TCERG1L: variants seen among roughly 807,000 people sequenced by gnomAD.
The protein encoded by TCERG1L is transcription elongation regulator 1 like.
In TCERG1L, 37 loss-of-function variants were observed where a neutral mutation model predicts 56.3. The observed-to-expected ratio is 0.66, with a 90% CI of 0.51 to 0.87. The LOEUF is 0.87. Ranked by LOEUF, TCERG1L falls within the 40% of genes least tolerant of loss-of-function variation. TCERG1L has a pLI of 0.00. For synonymous variants in TCERG1L, 324 were observed against 326.3 expected, an observed-to-expected ratio of 0.99 and a Z score of 0.08; for missense variants, 799 against 774.2, an observed-to-expected ratio of 1.03 and a Z score of -0.38.
intron 4 of TCERG1L, among the ~76,000 whole-genome samples, chr10:131,258,001 A>G (rs1204699524): frequency 6.6e-6 from 1 of 152,216 alleles, no homozygotes; most frequent in Admixed American, 6.5e-5. Context: ...CAAACTTTGG[A>G]GTGAGCTGTG....
In TCERG1L at chr10:131,219,722, G is replaced by A. The variant is rs1056893389; in HGVS notation, c.856+40537C>T. 6.6e-5 allele frequency among the ~76,000 whole-genome samples: 10 copies of A among 152,218 alleles called. No individual in the cohort carries two copies. In the East Asian group the frequency reaches 9.7e-4, roughly 15 times the overall value. On this transcript the variant is annotated intron_variant, in intron 4 of 11. Coordinates refer to ENST00000368642, the MANE Select transcript of TCERG1L (RefSeq NM_174937.4). ...TCACCGCGGCATCCCTGGGGCGTTC[G>A]GGGCTGGATATGGGCCCTGAGTGTC...
intron 9 of TCERG1L, among the ~76,000 whole-genome samples, chr10:131,106,350 A>C (rs962312173): frequency 2.2e-4 from 34 of 152,362 alleles, no homozygotes; most frequent in African/African-American, 7.7e-4. Flanking sequence ...AGTGGGACCC[A>C]GCAAAGACCC....
chr10:131,123,113 G>A (rs1165685109), intron 8 of TCERG1L, among the ~76,000 whole-genome samples: 2 of 152,186 alleles, frequency 1.3e-5, no homozygotes, highest in Non-Finnish European at 1.5e-5. Flanking sequence ...GTCCTGCTGA[G>A]GGCTGCATGG....
At chr10:131,273,809 C>T (rs1213610445) in intron 3 of TCERG1L, among the ~76,000 whole-genome samples, 6 of 152,188 alleles carry the variant, frequency 3.9e-5, no homozygotes, top group African/African-American at 1.4e-4. Flanking sequence ...CCAAACGGAG[C>T]TCTGGTGAGT....
At chr10:131,151,661 T>G (rs758418789) in intron 6 of TCERG1L, among the ~76,000 whole-genome samples, 1 of 152,122 alleles carries the variant, frequency 6.6e-6, no homozygotes. Flanking sequence ...TGGAGGACAA[T>G]GGCCTTCTTC....
chr10:131,259,095 T>C (rs1055043), intron 4 of TCERG1L, among the ~76,000 whole-genome samples: 45,464 of 152,088 alleles, frequency 0.3, 7,937 homozygotes, highest in East Asian at 0.52. Flanking sequence ...ATCCGACTTA[T>C]CAACTAATTC....
At chr10:131,151,497 A>C (rs10829924) in intron 6 of TCERG1L, among the ~76,000 whole-genome samples, 30,740 of 152,142 alleles carry the variant, frequency 0.2, 3,476 homozygotes, top group East Asian at 0.35. Flanking sequence ...ATGCTGATGC[A>C]AGAGGCGTGC....
At chr10:131,135,035 C>T (rs917347791) in intron 7 of TCERG1L, among the ~76,000 whole-genome samples, 5 of 152,170 alleles carry the variant, frequency 3.3e-5, no homozygotes, top group African/African-American at 9.7e-5. Context: ...GCCCTGAAAA[C>T]GTTTGATGAA....
chr10:131,253,241 TGGTG>T (rs1177422007), intron 4 of TCERG1L, among the ~76,000 whole-genome samples: 1 of 152,160 alleles, frequency 6.6e-6, no homozygotes, highest in Non-Finnish European at 1.5e-5. Context: ...GAATGACAGC[TGGTG>T]GGTGGGACTG....
chr10:131,247,929 TCACA>T (rs1846056841), intron 4 of TCERG1L, among the ~76,000 whole-genome samples: 1 of 151,344 alleles, frequency 6.6e-6, no homozygotes, highest in Admixed American at 6.6e-5. Context: ...TACACACGAC[TCACA>T]CACAGGTAAA....
chr10:131,288,687 G>A (rs1205120555), intron 3 of TCERG1L, among the ~76,000 whole-genome samples: 1 of 152,148 alleles, frequency 6.6e-6, no homozygotes, highest in Non-Finnish European at 1.5e-5. Context: ...GATGAGAGAG[G>A]GCCTTACATC....
chr10:131,307,408 AT>A (rs1361749324), intron 3 of TCERG1L, among the ~76,000 whole-genome samples: 2 of 152,230 alleles, frequency 1.3e-5, no homozygotes, highest in East Asian at 3.9e-4. Flanking sequence ...AGAACATCTT[AT>A]TACTAAATTT....
chr10:131,265,989 T>G (rs1846281236), intron 3 of TCERG1L, among the ~76,000 whole-genome samples: 1 of 152,264 alleles, frequency 6.6e-6, no homozygotes, highest in African/African-American at 2.4e-5. Context: ...GCAGTAGAAC[T>G]TTCAAAATTG....
At chr10:131,224,504 G>T (rs1845771316) in intron 4 of TCERG1L, among the ~76,000 whole-genome samples, 1 of 152,184 alleles carries the variant, frequency 6.6e-6, no homozygotes, top group Admixed American at 6.5e-5. Context: ...AATTCACCAG[G>T]GATCCTTGGT....
intron 4 of TCERG1L, among the ~76,000 whole-genome samples, chr10:131,229,129 G>A (rs146560193): frequency 0.031 from 3,903 of 126,690 alleles, 7 homozygotes; most frequent in Middle Eastern, 0.047. Flanking sequence ...CAAGGTCTCC[G>A]GAGGCTCCCC....
At chr10:131,219,778 T>C (rs889979746) in intron 4 of TCERG1L, among the ~76,000 whole-genome samples, 6 of 152,196 alleles carry the variant, frequency 3.9e-5, no homozygotes, top group Non-Finnish European at 8.8e-5. Flanking sequence ...CGCTTGGCAA[T>C]TTAAACCAGA....
chr10:131,102,429 ACT>A (rs1347301694), intron 10 of TCERG1L, among the ~76,000 whole-genome samples: 12 of 152,084 alleles, frequency 7.9e-5, no homozygotes, highest in Non-Finnish European at 1.6e-4. Flanking sequence ...TGTGACTGAG[ACT>A]CTGTGGGTTC....
chr10:131,134,501 G>T, intron 7 of TCERG1L, 53 bp from the exon 8 acceptor site: 1 of 1,423,424 alleles, frequency 7.0e-7, no homozygotes, highest in Non-Finnish European at 9.7e-7. Context: ...CAGGGCTTTG[G>T]CAAAACCACC....
chr10:131,227,769 C>T (rs1214821612), intron 4 of TCERG1L, among the ~76,000 whole-genome samples: 1 of 152,160 alleles, frequency 6.6e-6, no homozygotes, highest in South Asian at 2.1e-4. Context: ...ATCACAGGCA[C>T]ATTCATTACA....
Sources: allele counts gnomAD v4.1 joint callset (sites outside exome capture counted in the v4.1 genomes callset), GRCh38; gene constraint gnomAD v4.1.1; transcripts MANE v1.5; gene names NCBI Gene and HGNC (gene_info 2026-07-23, HGNC 2026-07-21).